CEP128: variants seen among roughly 807,000 people sequenced by gnomAD.
The protein encoded by CEP128 is centrosomal protein 128.
CEP128 carries 132 observed loss-of-function variants against 156.7 expected under a neutral mutation model. The ratio of observed to expected loss-of-function variants is 0.84; its 90% CI spans 0.73 to 0.97. CEP128 has a LOEUF of 0.97. Ranked by LOEUF, CEP128 falls within the 50% of genes least tolerant of loss-of-function variation. The pLI is 0.00. For missense variants in CEP128, 1,252 were observed against 1,281.9 expected (o/e 0.98, Z 0.36); for synonymous variants, 469 against 448.9 (o/e 1.04, Z -0.57).
intron 19 of CEP128, among the ~76,000 whole-genome samples, chr14:80,720,782 A>C (rs2060596): frequency 0.6 from 91,268 of 152,042 alleles, 27,682 homozygotes; most frequent in East Asian, 0.71. Flanking sequence ...ATGCAGACAA[A>C]CTAGTCTGAA....
At chr14:80,577,790 C>A (rs55637033) in intron 20 of CEP128, among the ~76,000 whole-genome samples, 5,056 of 152,294 alleles carry the variant, frequency 0.033, 158 homozygotes, top group Admixed American at 0.078. Context: ...CAAACTCCTC[C>A]ACGAGGTCCT....
At chr14:80,924,841 G>T (rs8022411) in intron 2 of CEP128, among the ~76,000 whole-genome samples, 104,117 of 151,862 alleles carry the variant, frequency 0.69, 36,815 homozygotes, top group African/African-American at 0.87. Flanking sequence ...GAGTGACATG[G>T]TAATAAGCAC....
At chr14:80,836,117 C>T in intron 12 of CEP128, 88 bp downstream of exon 12, 2 of 1,219,208 alleles carry the variant, frequency 1.6e-6, no homozygotes, top group Non-Finnish European at 2.4e-6. Flanking sequence ...CAAAGGAATG[C>T]AATTCTGAGG....
intron 6 of CEP128, among the ~76,000 whole-genome samples, chr14:80,901,943 T>C (rs1566704352): frequency 1.3e-5 from 2 of 152,182 alleles, no homozygotes; most frequent in African/African-American, 4.8e-5. Context: ...ATCTCAGCCC[T>C]TCATACTTCT....
At position 80,911,994 on chromosome 14, in the gene CEP128, G is replaced by A. The variant is rs549140626; in HGVS notation, c.234+2328C>T. On this transcript the variant is annotated intron_variant, in intron 4 of 24. Transcript: ENST00000555265. ...AGCACTTTGGGAGGCCAAGGCAGGC[G>A]GATCACAAGGTCAGGAGATCGAGAC... Among the ~76,000 whole-genome samples, 9 of 152,272 alleles carry A rather than the reference G, an allele frequency of 5.9e-5. No individual in the cohort carries two copies. The East Asian group carries it at 9.7e-4, about 16-fold the overall frequency.
chr14:80,507,977 C>T (rs567541300), intron 23 of CEP128, among the ~76,000 whole-genome samples: 179 of 152,272 alleles, frequency 1.2e-3, no homozygotes, highest in Middle Eastern at 3.4e-3. Flanking sequence ...TGCAGTGGCA[C>T]GATCTTGGCT....
chr14:80,538,814 G>T (rs1237010287), intron 21 of CEP128, among the ~76,000 whole-genome samples: 2 of 152,008 alleles, frequency 1.3e-5, no homozygotes, highest in Non-Finnish European at 2.9e-5. Flanking sequence ...ACTTCCTCAG[G>T]GAAGGCTCCC....
chr14:80,486,494 A>G (rs374686272), downstream of CEP128, among the ~76,000 whole-genome samples: 1 of 151,844 alleles, frequency 6.6e-6, no homozygotes, highest in Non-Finnish European at 1.5e-5. Context: ...GCAGGCCAAC[A>G]TTCAGATTCA....
rs572938175 is a variant in CEP128 at position 80,847,448 on chromosome 14, G to C, written c.763-6680C>G. Among the ~76,000 whole-genome samples the C allele has an allele frequency of 1.2e-4, 18 of 152,196 alleles. No homozygotes were observed. The South Asian group carries it at 3.7e-3, about 32-fold the overall frequency. ...AAAAATTTGTTATTTGTTACCACAA[G>C]TAACAAATATAAAGAAGAAAATAAT... On this transcript the variant is annotated intron_variant, in intron 9 of 24. Transcript: ENST00000555265.
At chr14:80,524,667 T>C (rs773004383) in intron 23 of CEP128, among the ~76,000 whole-genome samples, 4 of 152,186 alleles carry the variant, frequency 2.6e-5, no homozygotes, top group Non-Finnish European at 5.9e-5. Context: ...CTACCAAAAA[T>C]GTTATATTCC....
intron 10 of CEP128, among the ~76,000 whole-genome samples, chr14:80,840,064 T>C (rs535871552): frequency 2.9e-4 from 44 of 152,188 alleles, no homozygotes; most frequent in Admixed American, 2.6e-3. Context: ...CAATGGTAGG[T>C]AGAAAAAAGC....
chr14:80,677,508 C>CAAA (rs57636757), intron 19 of CEP128, among the ~76,000 whole-genome samples: 6,920 of 93,946 alleles, frequency 0.074, 832 homozygotes, highest in African/African-American at 0.23. Flanking sequence ...GACTCCGTCT[C>CAAA]AAAAAAAAAA....
At chr14:80,503,290 T>TA in intron 24 of CEP128, among the ~76,000 whole-genome samples, 1 of 152,354 alleles carries the variant, frequency 6.6e-6, no homozygotes, top group South Asian at 2.1e-4. Flanking sequence ...CTTTATTTCC[T>TA]TTTCAGCCAG....
intron 20 of CEP128, among the ~76,000 whole-genome samples, chr14:80,563,114 T>C (rs1014919412): frequency 6.6e-6 from 1 of 152,206 alleles, no homozygotes. Context: ...TTTCCCTTTT[T>C]CTTTAATCTA....
At chr14:80,710,920 CA>C (rs1395270703) in intron 19 of CEP128, among the ~76,000 whole-genome samples, 3 of 152,014 alleles carry the variant, frequency 2.0e-5, no homozygotes, top group Non-Finnish European at 2.9e-5. Context: ...TAAAGTGATA[CA>C]AAAAATTATC....
chr14:80,745,082 T>C (rs1183655110), intron 18 of CEP128, among the ~76,000 whole-genome samples: 1 of 152,152 alleles, frequency 6.6e-6, no homozygotes, highest in Non-Finnish European at 1.5e-5. Flanking sequence ...ATTTCCAACG[T>C]TGTGGGAGGG....
At chr14:80,645,112 T>C (rs1379196139) in intron 19 of CEP128, among the ~76,000 whole-genome samples, 2 of 152,168 alleles carry the variant, frequency 1.3e-5, no homozygotes, top group African/African-American at 4.8e-5. Context: ...AGTAGGTTCC[T>C]TTTGACTCTA....
chr14:80,697,831 A>C (rs1388664861), intron 19 of CEP128, among the ~76,000 whole-genome samples: 1 of 152,018 alleles, frequency 6.6e-6, no homozygotes, highest in Non-Finnish European at 1.5e-5. Flanking sequence ...TGAAAACCAG[A>C]TACACTTCAA....
intron 19 of CEP128, among the ~76,000 whole-genome samples, chr14:80,650,485 T>C (rs971559580): frequency 6.6e-6 from 1 of 152,196 alleles, no homozygotes; most frequent in Non-Finnish European, 1.5e-5. Context: ...AGGGCATCCT[T>C]GTCTTGTGCC....
Sources: gnomAD v4.1 joint callset for allele counts (sites outside exome capture counted in the v4.1 genomes callset) on GRCh38, gnomAD v4.1.1 for gene constraint, MANE v1.5 for transcripts, NCBI Gene and HGNC (gene_info 2026-07-23, HGNC 2026-07-21) for gene names.